CNTNAP2: variants seen among roughly 807,000 people sequenced by gnomAD.
The protein encoded by CNTNAP2 is contactin-associated protein-like 2.
A neutral mutation model predicts 155.2 loss-of-function variants in CNTNAP2; 98 were observed. That is an observed-to-expected ratio of 0.63 (90% CI 0.54 to 0.75). The LOEUF (loss-of-function observed/expected upper bound fraction) is 0.75. Ranked by LOEUF, CNTNAP2 falls within the 30% of genes least tolerant of loss-of-function variation. The probability of loss-of-function intolerance (pLI) is 0.00; values close to 1 mark genes in which losing one functional copy is unlikely to be tolerated. For synonymous variants in CNTNAP2, 651 were observed against 631.2 expected, an observed-to-expected ratio of 1.03 and a Z score of -0.47; for missense variants, 1,727 against 1,688.1, an observed-to-expected ratio of 1.02 and a Z score of -0.40.
At chr7:147,188,726 G>A (rs1302350824) in intron 8 of CNTNAP2, among the ~76,000 whole-genome samples, 5 of 152,132 alleles carry the variant, frequency 3.3e-5, no homozygotes, top group African/African-American at 1.2e-4. Context: ...AGGTAATCTG[G>A]ATAAGAGCAA....
chr7:147,399,886 C>T, intron 10 of CNTNAP2, among the ~76,000 whole-genome samples: 1 of 152,178 alleles, frequency 6.6e-6, no homozygotes, highest in South Asian at 2.1e-4. Flanking sequence ...AAGCTGCTAG[C>T]TTGATTCCCT....
intron 13 of CNTNAP2, among the ~76,000 whole-genome samples, chr7:147,895,987 TTTAAC>T (rs1799769940): frequency 1.3e-5 from 2 of 152,244 alleles, no homozygotes; most frequent in African/African-American, 4.8e-5. Flanking sequence ...TGTGCTGTAT[TTTAAC>T]TTATTTTCCT....
intron 21 of CNTNAP2, among the ~76,000 whole-genome samples, chr7:148,343,853 A>C (rs1311947709): frequency 6.6e-6 from 1 of 152,206 alleles, no homozygotes; most frequent in Non-Finnish European, 1.5e-5. Flanking sequence ...CATGTGAACC[A>C]TATATCTCTT....
chr7:146,499,234 G>A (rs1482022400), intron 1 of CNTNAP2, among the ~76,000 whole-genome samples: 2 of 152,186 alleles, frequency 1.3e-5, no homozygotes, highest in Non-Finnish European at 1.5e-5. Flanking sequence ...CCAGGCTGGA[G>A]TGCAGTGGCG....
intron 2 of CNTNAP2, among the ~76,000 whole-genome samples, chr7:146,780,982 A>C (rs1230544528): frequency 6.6e-6 from 1 of 151,818 alleles, no homozygotes; most frequent in East Asian, 2.0e-4. Flanking sequence ...TAATCCCAGC[A>C]CTTTGGGAGG....
intron 9 of CNTNAP2, among the ~76,000 whole-genome samples, chr7:147,309,963 C>G (rs2692173): frequency 0.49 from 74,490 of 151,758 alleles, 19,453 homozygotes; most frequent in East Asian, 0.73. Context: ...AACTTTCAGG[C>G]TTTTTTTATT....
chr7:146,367,787 A>C (rs1795176304), intron 1 of CNTNAP2, among the ~76,000 whole-genome samples: 1 of 152,140 alleles, frequency 6.6e-6, no homozygotes, highest in Non-Finnish European at 1.5e-5. Context: ...TTTATATACT[A>C]TGTATATGAA....
chr7:146,440,878 G>A (rs1367358698), intron 1 of CNTNAP2, among the ~76,000 whole-genome samples: 1 of 151,584 alleles, frequency 6.6e-6, no homozygotes, highest in Non-Finnish European at 1.5e-5. Context: ...ATTTAAGATA[G>A]GGAGATGTTA....
chr7:146,905,881 AG>A (rs140588738), intron 3 of CNTNAP2, among the ~76,000 whole-genome samples: 2,397 of 152,276 alleles, frequency 0.016, 57 homozygotes, highest in African/African-American at 0.05. Context: ...AAATCATCTG[AG>A]GTACCGGGTT....
intron 1 of CNTNAP2, among the ~76,000 whole-genome samples, chr7:146,182,197 T>C (rs1001167180): frequency 2.0e-5 from 3 of 152,166 alleles, no homozygotes; most frequent in African/African-American, 7.2e-5. Context: ...TGAGAATAAC[T>C]GTGTACTTGT....
rs112682605 is a variant in CNTNAP2 at position 146,175,633 on chromosome 7, A to G, written c.97+58660A>G. 6.9e-3 allele frequency among the ~76,000 whole-genome samples: 1,047 copies of G among 152,322 alleles called. 7 individuals are homozygous for G. Among genetic ancestry groups the G allele is most frequent in the Non-Finnish European group, 0.012 (799 of 68,018 alleles). On this transcript the variant is annotated intron_variant, in intron 1 of 23. Coordinates refer to ENST00000361727, the MANE Select transcript of CNTNAP2 (RefSeq NM_014141.6). ...TGATTGTGAATGACTGAAAACCATT[A>G]AGAAAACTTTAGAGACTTTCTGGAT...
chr7:147,685,057 T>C (rs1475695100), intron 13 of CNTNAP2, among the ~76,000 whole-genome samples: 2 of 151,958 alleles, frequency 1.3e-5, no homozygotes, highest in Non-Finnish European at 2.9e-5. Context: ...ATTTCACCTG[T>C]CATTGTCATC....
chr7:146,533,588 A>G (rs1218180234), intron 1 of CNTNAP2, among the ~76,000 whole-genome samples: 1 of 152,188 alleles, frequency 6.6e-6, no homozygotes, highest in East Asian at 1.9e-4. Context: ...TTGCTGGAAC[A>G]TGATAAGATT....
intron 1 of CNTNAP2, among the ~76,000 whole-genome samples, chr7:146,641,057 T>C (rs1799696978): frequency 6.6e-6 from 1 of 152,198 alleles, no homozygotes. Flanking sequence ...CCAGGCACGG[T>C]GGCTCGTGCC....
intron 13 of CNTNAP2, among the ~76,000 whole-genome samples, chr7:147,775,334 TATAA>T (rs1482395488): frequency 1.4e-4 from 7 of 50,276 alleles, no homozygotes; most frequent in African/African-American, 3.1e-4. Context: ...TATATATATT[TATAA>T]ATATATATAT....
At chr7:146,795,487 T>G (rs1802752677) in intron 2 of CNTNAP2, among the ~76,000 whole-genome samples, 1 of 152,138 alleles carries the variant, frequency 6.6e-6, no homozygotes, top group African/African-American at 2.4e-5. Context: ...GAAAGTGGGA[T>G]GGAGAAGTAA....
intron 2 of CNTNAP2, among the ~76,000 whole-genome samples, chr7:146,775,467 G>C (rs966324003): frequency 2.7e-5 from 4 of 150,412 alleles, no homozygotes; most frequent in African/African-American, 9.8e-5. Flanking sequence ...AGGAAAATAA[G>C]AAATGTGAAA....
intron 10 of CNTNAP2, among the ~76,000 whole-genome samples, chr7:147,462,902 G>A (rs182944098): frequency 3.8e-4 from 58 of 152,276 alleles, no homozygotes; most frequent in African/African-American, 1.4e-3. Context: ...ATTCTAACAA[G>A]TGTATCGAGA....
intron 13 of CNTNAP2, among the ~76,000 whole-genome samples, chr7:147,738,929 A>G (rs113874917): frequency 0.18 from 27,498 of 152,086 alleles, 2,956 homozygotes; most frequent in Middle Eastern, 0.38. Context: ...TGCTGGAATT[A>G]CAGGTGTGAG....
Sources: gnomAD v4.1 joint callset for allele counts (sites outside exome capture counted in the v4.1 genomes callset) on GRCh38, gnomAD v4.1.1 for gene constraint, MANE v1.5 for transcripts, NCBI Gene and HGNC (gene_info 2026-07-23, HGNC 2026-07-21) for gene names.